Variants in WRN observed in about 807,000 individuals in gnomAD.
WRN encodes the protein bifunctional 3'-5' exonuclease/ATP-dependent helicase WRN.
Under a neutral mutation model 180.7 loss-of-function variants are expected in WRN, and 149 were observed. The observed-to-expected ratio is 0.82, with a 90% CI of 0.72 to 0.94. The LOEUF is 0.94. Ranked by LOEUF, WRN falls within the 40% of genes least tolerant of loss-of-function variation. WRN has a pLI of 0.00. For missense variants in WRN, 1,661 were observed against 1,700.1 expected (o/e 0.98, Z 0.40); for synonymous variants, 548 against 568.9 (o/e 0.96, Z 0.52).
chr8:31,151,911 TA>T (rs753712252), intron 31 of WRN, among the ~76,000 whole-genome samples: 1 of 151,278 alleles, frequency 6.6e-6, no homozygotes, highest in Non-Finnish European at 1.5e-5. Context: ...ATTTTTTTTT[TA>T]AATTTTGAAG....
At chr8:31,124,706 AGTATTTTG>A in intron 22 of WRN, 83 bp downstream of exon 22, 1 of 1,380,472 alleles carries the variant, frequency 7.2e-7, no homozygotes, top group Admixed American at 1.8e-5. Context: ...AATAATTATC[AGTATTTTG>A]AAAAAATATT....
At chr8:31,172,024 T>C (rs1202379611) in intron 34 of WRN, among the ~76,000 whole-genome samples, 2 of 152,176 alleles carry the variant, frequency 1.3e-5, no homozygotes, top group East Asian at 1.9e-4. Context: ...ATCCTGAGGA[T>C]CTAGTACTCT....
rs11574401 is a variant in WRN at position 31,171,986 on chromosome 8, C to T, written c.4192-1009C>T. ...TTAACTCTGGATTCCAGGGTGTACT[C>T]ATGATGGAATGATTTCTCTGTCATG... On this transcript the variant is annotated intron_variant, in intron 34 of 34. Transcript: ENST00000298139. 3.4e-3 allele frequency among the ~76,000 whole-genome samples: 512 copies of T among 152,200 alleles called. 1 individual carries two copies. The highest frequency in any genetic ancestry group is 0.011 in the African/African-American group (474 of 41,528).
At chr8:31,112,440 C>T (rs1420929406) in intron 19 of WRN, among the ~76,000 whole-genome samples, 2 of 152,054 alleles carry the variant, frequency 1.3e-5, no homozygotes, top group Non-Finnish European at 2.9e-5. Context: ...TAATTTAATC[C>T]CTATAACTGC....
chr8:31,050,984 A>G (rs1410328896), intron 1 of WRN, among the ~76,000 whole-genome samples: 4 of 152,178 alleles, frequency 2.6e-5, no homozygotes, highest in Admixed American at 2.6e-4. Context: ...TAAACAGTAT[A>G]ACGGGCTAAC....
chr8:31,112,494 G>A (rs958534183), intron 19 of WRN, among the ~76,000 whole-genome samples: 22 of 152,134 alleles, frequency 1.4e-4, no homozygotes, highest in African/African-American at 4.8e-4. Context: ...TGAGGAAACT[G>A]GCATTAGTAC....
At chr8:31,074,143 T>C (rs534226668) in intron 7 of WRN, among the ~76,000 whole-genome samples, 1 of 151,776 alleles carries the variant, frequency 6.6e-6, no homozygotes, top group East Asian at 1.9e-4. Context: ...GCCAGGTTGG[T>C]CTCGATCTCC....
intron 1 of WRN, among the ~76,000 whole-genome samples, chr8:31,041,494 C>T (rs1811655505): frequency 6.6e-6 from 1 of 152,196 alleles, no homozygotes; most frequent in Non-Finnish European, 1.5e-5. Flanking sequence ...AATATCTGGG[C>T]ACCCCATGGC....
chr8:31,045,222 A>G (rs1811812450), intron 1 of WRN, among the ~76,000 whole-genome samples: 1 of 152,116 alleles, frequency 6.6e-6, no homozygotes, highest in African/African-American at 2.4e-5. Flanking sequence ...TATTGTATGT[A>G]TTTACGGTGT....
chr8:31,126,418 A>T (rs977076021), intron 23 of WRN, among the ~76,000 whole-genome samples: 2 of 152,212 alleles, frequency 1.3e-5, no homozygotes, highest in Admixed American at 6.5e-5. Context: ...AGGAAGTCTC[A>T]AGGCAAATCA....
chr8:31,147,441 A>G lies in WRN; in HGVS notation c.3537A>G (p.Ala1179=), dbSNP rs764706761. The G allele has an allele frequency of 1.2e-6, 2 of 1,614,096 alleles. No individual in the cohort carries two copies. The highest frequency in any genetic ancestry group is 1.1e-5 in the South Asian group (1 of 91,084). The change falls in exon 30 of 35, where the codon GCA becomes GCG. Residue 1179 remains alanine (A), a synonymous_variant. Coordinates refer to ENST00000298139, the MANE Select transcript of WRN (RefSeq NM_000553.6). ...NKMDVPPAIL[A]TNKILVDMAK... is the part of the protein sequence containing the mutation. Reference sequence around the variant, plus strand: ...TGGATGTTCCCCCAGCTATTCTGGCAACAAACAAGATACTGGTGGATATGG... The same window carrying G: ...TGGATGTTCCCCCAGCTATTCTGGCGACAAACAAGATACTGGTGGATATGG...
rs1245641761 is a variant in WRN at position 31,166,844 on chromosome 8, G to A, written c.3983-178G>A. ...GAGGCAGGGGCTTCAGGTGATACCC[G>A]AGTGGAGTTTTTACTCCATTTCCAT... is the stretch of plus-strand genomic sequence containing the variant. On this transcript the variant is annotated intron_variant, in intron 33 of 34. Transcript: ENST00000298139. Among the ~76,000 whole-genome samples the A allele has an allele frequency of 2.0e-5, 3 of 152,182 alleles. No homozygotes were observed. In the East Asian group the frequency reaches 5.8e-4, roughly 29 times the overall value.
At chr8:31,123,120 G>A (rs1801788905) in intron 21 of WRN, among the ~76,000 whole-genome samples, 1 of 151,820 alleles carries the variant, frequency 6.6e-6, no homozygotes. Flanking sequence ...GAAATTTTGT[G>A]CCATCCCACT....
At chr8:31,147,742 C>T (rs374011537) in intron 30 of WRN, among the ~76,000 whole-genome samples, 17 of 152,140 alleles carry the variant, frequency 1.1e-4, no homozygotes, top group African/African-American at 3.4e-4. Context: ...ATCCAAATGC[C>T]GAAACTCCTC....
chr8:31,136,147 A>C (rs1416556304), intron 24 of WRN, among the ~76,000 whole-genome samples: 1 of 152,148 alleles, frequency 6.6e-6, no homozygotes, highest in African/African-American at 2.4e-5. Flanking sequence ...CTACAGGTGC[A>C]TGCCACCATG....
intron 23 of WRN, 55 bp downstream of exon 23, chr8:31,125,055 T>G: frequency 6.5e-7 from 1 of 1,530,002 alleles, no homozygotes; most frequent in Admixed American, 1.7e-5. Flanking sequence ...TCTCTTCCTT[T>G]TCATGTTTAA....
At chr8:31,147,574 C>A (rs1802911857) in intron 30 of WRN, 98 bp downstream of exon 30, 1 of 1,141,710 alleles carries the variant, frequency 8.8e-7, no homozygotes, top group Non-Finnish European at 1.3e-6. Context: ...CTTCCACTGT[C>A]ACATCTGGGA....
At chr8:31,074,129 G>A (rs888207540) in intron 7 of WRN, among the ~76,000 whole-genome samples, 1 of 149,878 alleles carries the variant, frequency 6.7e-6, no homozygotes, top group Non-Finnish European at 1.5e-5. Context: ...GTTTCACCAT[G>A]TTAGCCAGGT....
intron 33 of WRN, among the ~76,000 whole-genome samples, chr8:31,161,842 A>AAAAG (rs1159646934): frequency 1.3e-5 from 2 of 150,920 alleles, no homozygotes; most frequent in East Asian, 3.9e-4. Flanking sequence ...CTGTCTCAAA[A>AAAAG]AAAAAAAAAA....
Sources: allele counts gnomAD v4.1 joint callset (sites outside exome capture counted in the v4.1 genomes callset), GRCh38; gene constraint gnomAD v4.1.1; transcripts MANE v1.5; gene names NCBI Gene and HGNC (gene_info 2026-07-23, HGNC 2026-07-21).